Variants in LAMA2 observed in about 807,000 individuals in gnomAD.
LAMA2 encodes laminin subunit alpha-2.
A neutral mutation model predicts 364.8 loss-of-function variants in LAMA2; 269 were observed. That is an observed-to-expected ratio of 0.74 (90% CI 0.67 to 0.82). The LOEUF is 0.82. Among genes scored for constraint, LAMA2 ranks in the 40% least tolerant of loss-of-function variants. LAMA2 has a pLI of 0.00. For synonymous variants in LAMA2, 1,379 were observed against 1,370.6 expected, an observed-to-expected ratio of 1.01 and a Z score of -0.14; for missense variants, 3,807 against 3,873.2, an observed-to-expected ratio of 0.98 and a Z score of 0.45.
In LAMA2 at chr6:129,322,638, G is replaced by GTGT. The variant is rs559176036; in HGVS notation, c.4176+1984_4176+1985insGTT. Among the ~76,000 whole-genome samples, 13 of 152,206 alleles carry GTGT rather than the reference G, an allele frequency of 8.5e-5. No individual in the cohort carries two copies. The South Asian group carries it at 1.4e-3, about 17-fold the overall frequency. ...ATTATTTTGCTATAGAAAATATTCT[G>GTGT]TAAGTAGTCAAGGTTGACCTTTAGA... On this transcript the variant is annotated intron_variant, in intron 28 of 64. Coordinates refer to ENST00000421865, the MANE Select transcript of LAMA2 (RefSeq NM_000426.4).
At chr6:129,184,695 T>A (rs1583207551) in intron 10 of LAMA2, among the ~76,000 whole-genome samples, 1 of 151,946 alleles carries the variant, frequency 6.6e-6, no homozygotes, top group Non-Finnish European at 1.5e-5. Flanking sequence ...TCTACCCTTT[T>A]CCTTGGCACT....
intron 1 of LAMA2, among the ~76,000 whole-genome samples, chr6:128,941,460 C>T (rs547725607): frequency 6.6e-6 from 1 of 152,140 alleles, no homozygotes; most frequent in South Asian, 2.1e-4. Context: ...ATCAATCAAT[C>T]CAATTAATTC....
rs189000523 is a variant in LAMA2, at chr6:129,471,927, G to A, written c.7301-1287G>A. On this transcript the variant is annotated intron_variant, in intron 51 of 64. Coordinates refer to ENST00000421865, the MANE Select transcript of LAMA2 (RefSeq NM_000426.4). ...GAAGACACATCTTTTTGAAATGATA[G>A]GGCTATAAACTTCAAGGGAATTTTG... Among the ~76,000 whole-genome samples the A allele has an allele frequency of 2.6e-4, 39 of 151,942 alleles. No individual in the cohort carries two copies. In the East Asian group the frequency reaches 7.6e-3, roughly 29 times the overall value.
intron 27 of LAMA2, among the ~76,000 whole-genome samples, chr6:129,318,504 C>T (rs893369422): frequency 6.6e-6 from 1 of 152,038 alleles, no homozygotes; most frequent in Non-Finnish European, 1.5e-5. Flanking sequence ...CTGTTATGTG[C>T]ATTCATGTGC....
intron 58 of LAMA2, 72 bp from the exon 59 acceptor site, chr6:129,502,587 A>G: frequency 1.1e-6 from 1 of 942,340 alleles, no homozygotes; most frequent in Non-Finnish European, 1.8e-6. Context: ...GTAAGAAACA[A>G]TTAGACAGCA....
At chr6:129,352,093 C>T (rs1776882873) in intron 31 of LAMA2, among the ~76,000 whole-genome samples, 1 of 152,158 alleles carries the variant, frequency 6.6e-6, no homozygotes, top group Non-Finnish European at 1.5e-5. Flanking sequence ...AAAATTCTAA[C>T]TGTTTGTTAT....
chr6:129,227,831 GA>G (rs1784414319), intron 12 of LAMA2, among the ~76,000 whole-genome samples: 1 of 152,144 alleles, frequency 6.6e-6, no homozygotes, highest in Admixed American at 6.6e-5. Flanking sequence ...TCCATGCTGG[GA>G]GAACCACTAC....
intron 12 of LAMA2, among the ~76,000 whole-genome samples, chr6:129,220,354 G>A (rs1388714434): frequency 6.6e-6 from 1 of 152,120 alleles, no homozygotes; most frequent in Non-Finnish European, 1.5e-5. Flanking sequence ...TTTCCTTCAG[G>A]CACAAAATGA....
chr6:129,189,008 T>C (rs534706076), intron 10 of LAMA2, among the ~76,000 whole-genome samples: 4 of 152,158 alleles, frequency 2.6e-5, no homozygotes, highest in African/African-American at 9.6e-5. Flanking sequence ...TGCCAAGAGA[T>C]TTATTTGAAC....
chr6:128,984,814 C>T (rs116413614), intron 1 of LAMA2, among the ~76,000 whole-genome samples: 3,763 of 152,234 alleles, frequency 0.025, 165 homozygotes, highest in African/African-American at 0.085. Context: ...GTGTCAGCTA[C>T]TGTGTTTTCT....
intron 28 of LAMA2, among the ~76,000 whole-genome samples, chr6:129,326,356 T>A (rs1351145518): frequency 6.6e-6 from 1 of 152,130 alleles, no homozygotes; most frequent in Non-Finnish European, 1.5e-5. Flanking sequence ...AGGCTGCCTG[T>A]CGGGGAAAAC....
At chr6:129,499,993 C>T (rs1466338394) in intron 58 of LAMA2, among the ~76,000 whole-genome samples, 3 of 152,074 alleles carry the variant, frequency 2.0e-5, no homozygotes, top group Admixed American at 6.6e-5. Flanking sequence ...TAGCCTCAAG[C>T]GATCTTCCTG....
intron 29 of LAMA2, 64 bp downstream of exon 29, chr6:129,328,476 A>C: frequency 6.2e-7 from 1 of 1,612,942 alleles, no homozygotes; most frequent in Non-Finnish European, 8.5e-7. Flanking sequence ...CATGCTCAGC[A>C]TCTGCATGCA....
intron 1 of LAMA2, among the ~76,000 whole-genome samples, chr6:128,899,695 GTTATTA>G (rs1429385202): frequency 6.6e-6 from 1 of 151,914 alleles, no homozygotes; most frequent in Non-Finnish European, 1.5e-5. Flanking sequence ...ACAGATATGA[GTTATTA>G]TTATTAATAT....
intron 1 of LAMA2, among the ~76,000 whole-genome samples, chr6:128,889,460 A>G (rs1776323991): frequency 6.6e-6 from 1 of 152,114 alleles, no homozygotes; most frequent in Admixed American, 6.6e-5. Context: ...GTTTTGGACT[A>G]TAGTAATGCA....
At chr6:128,926,455 A>G (rs753954438) in intron 1 of LAMA2, among the ~76,000 whole-genome samples, 5 of 152,220 alleles carry the variant, frequency 3.3e-5, no homozygotes, top group Non-Finnish European at 5.9e-5. Context: ...TTTGTTCTCA[A>G]TATTTAAAGT....
intron 1 of LAMA2, among the ~76,000 whole-genome samples, chr6:128,973,433 A>C (rs1454992503): frequency 3.3e-5 from 5 of 152,246 alleles, no homozygotes; most frequent in Admixed American, 1.3e-4. Flanking sequence ...ATTTTTAAAA[A>C]TAGAAGCTAG....
intron 12 of LAMA2, among the ~76,000 whole-genome samples, chr6:129,210,003 C>CAAAATAAAA (rs1782984366): frequency 1.5e-5 from 1 of 67,646 alleles, no homozygotes; most frequent in Non-Finnish European, 3.0e-5. Flanking sequence ...GACTCCATCT[C>CAAAATAAAA]AAAAAAAAAA....
intron 1 of LAMA2, among the ~76,000 whole-genome samples, chr6:128,975,977 G>C (rs1275431209): frequency 6.6e-6 from 1 of 152,222 alleles, no homozygotes; most frequent in Non-Finnish European, 1.5e-5. Flanking sequence ...TGTGAGCCTT[G>C]TTAGTGAGTT....
Sources: gnomAD v4.1 joint callset for allele counts (sites outside exome capture counted in the v4.1 genomes callset) on GRCh38, gnomAD v4.1.1 for gene constraint, MANE v1.5 for transcripts, NCBI Gene and HGNC (gene_info 2026-07-23, HGNC 2026-07-21) for gene names.